Variants in DPRX observed in about 807,000 individuals in gnomAD.
DPRX encodes divergent paired-related homeobox.
A neutral mutation model predicts 8.4 loss-of-function variants in DPRX; 11 were observed. That is an observed-to-expected ratio of 1.31 (90% CI 0.82 to 2.17). The LOEUF is 2.17. Among genes scored for constraint, DPRX ranks in the 30% most tolerant of loss-of-function variants. DPRX has a pLI of 0.00. For missense variants in DPRX, 211 were observed against 236.7 expected (o/e 0.89, Z 0.71); for synonymous variants, 72 against 87.0 (o/e 0.83, Z 0.96).
chr19:53,604,043 G>A, the DPRX span, among the ~76,000 whole-genome samples: 5 of 152,110 alleles, frequency 3.3e-5, no homozygotes, highest in East Asian at 1.9e-4. Flanking sequence ...ACCGCGCCCC[G>A]CCGTAATTGA....
At chr19:53,626,592 A>G in the DPRX span, among the ~76,000 whole-genome samples, 3 of 152,214 alleles carry the variant, frequency 2.0e-5, no homozygotes, top group African/African-American at 7.2e-5. Flanking sequence ...CCCCAGGCAC[A>G]GATCATATTA....
chr19:53,603,561 G>GGTACCTGA, the DPRX span: 1 of 373,564 alleles, frequency 2.7e-6, no homozygotes, highest in Non-Finnish European at 5.5e-6. Flanking sequence ...GAATTAGAGA[G>GGTACCTGA]AGTAGGGCAA....
At chr19:53,618,097 GC>G in the DPRX span, among the ~76,000 whole-genome samples, 18 of 150,214 alleles carry the variant, frequency 1.2e-4, no homozygotes, top group African/African-American at 3.4e-4. Flanking sequence ...AGCCTAGATC[GC>G]TGCCACTGCA....
upstream of DPRX, among the ~76,000 whole-genome samples, chr19:53,630,230 CTT>C (rs1413310434): frequency 1.4e-5 from 2 of 141,792 alleles, no homozygotes; most frequent in Non-Finnish European, 3.1e-5. Flanking sequence ...AAAAAAAAAA[CTT>C]TCATGCTGAT....
At chr19:53,635,885 C>T (rs529355754) in intron 2 of DPRX, among the ~76,000 whole-genome samples, 1 of 152,112 alleles carries the variant, frequency 6.6e-6, no homozygotes, top group Non-Finnish European at 1.5e-5. Context: ...GCAGCCCCTG[C>T]GACTGATCCC....
At chr19:53,607,874 T>C in the DPRX span, among the ~76,000 whole-genome samples, 1 of 137,176 alleles carries the variant, frequency 7.3e-6, no homozygotes, top group African/African-American at 2.7e-5. Flanking sequence ...AAAGGTAAAT[T>C]TGAAAATAAA....
chr19:53,615,491 G>A, the DPRX span, among the ~76,000 whole-genome samples: 1 of 151,852 alleles, frequency 6.6e-6, no homozygotes, highest in Non-Finnish European at 1.5e-5. Flanking sequence ...ATGTTGGCCA[G>A]GCTGGTCTCA....
chr19:53,630,550 G>C (rs918954527), upstream of DPRX, among the ~76,000 whole-genome samples: 1 of 151,974 alleles, frequency 6.6e-6, no homozygotes, highest in African/African-American at 2.4e-5. Context: ...TGTAGTCACA[G>C]CTACTTGGGG....
At chr19:53,628,635 GC>G (rs1208685802), upstream of DPRX, among the ~76,000 whole-genome samples, 10 of 151,792 alleles carry the variant, frequency 6.6e-5, no homozygotes, top group Admixed American at 2.0e-4. Context: ...TCTTGCCCGG[GC>G]AGGAGGGCAA....
the DPRX span, among the ~76,000 whole-genome samples, chr19:53,622,303 GC>G: frequency 1.3e-3 from 205 of 152,256 alleles, no homozygotes; most frequent in Non-Finnish European, 1.2e-3. Context: ...ATGGGCATGA[GC>G]CACTGGAAAA....
At chr19:53,634,905 G>A (rs1038788411) in intron 2 of DPRX, among the ~76,000 whole-genome samples, 1 of 152,166 alleles carries the variant, frequency 6.6e-6, no homozygotes, top group Non-Finnish European at 1.5e-5. Flanking sequence ...GAAGCTTTGT[G>A]GGCCATACCG....
upstream of DPRX, among the ~76,000 whole-genome samples, chr19:53,627,192 A>G (rs148425933): frequency 7.7e-4 from 117 of 152,252 alleles, no homozygotes; most frequent in African/African-American, 2.7e-3. Flanking sequence ...GCATTTTCTT[A>G]TAATCCTGAG....
At chr19:53,601,670 C>T in the DPRX span, among the ~76,000 whole-genome samples, 9 of 151,892 alleles carry the variant, frequency 5.9e-5, no homozygotes, top group East Asian at 1.9e-4. Flanking sequence ...TTAGTAGAAC[C>T]GGAATTTCAC....
chr19:53,609,395 A>G, the DPRX span, among the ~76,000 whole-genome samples: 2 of 148,506 alleles, frequency 1.3e-5, no homozygotes, highest in East Asian at 4.1e-4. Context: ...TTGAACCTGA[A>G]GACTGAGGCT....
chr19:53,618,103 A>G, the DPRX span, among the ~76,000 whole-genome samples: 1 of 151,478 alleles, frequency 6.6e-6, no homozygotes, highest in Non-Finnish European at 1.5e-5. Context: ...GATCGCTGCC[A>G]CTGCACTCCA....
chr19:53,619,604 G>A, the DPRX span, among the ~76,000 whole-genome samples: 1 of 151,914 alleles, frequency 6.6e-6, no homozygotes, highest in African/African-American at 2.4e-5. Context: ...GAACCTGGGA[G>A]GCGGAGGTTG....
the DPRX span, among the ~76,000 whole-genome samples, chr19:53,620,622 C>T: frequency 6.6e-6 from 1 of 152,108 alleles, no homozygotes; most frequent in South Asian, 2.1e-4. Flanking sequence ...GCCTTGGCCT[C>T]CCAAAGTGCT....
chr19:53,626,576 A>G, the DPRX span, among the ~76,000 whole-genome samples: 53 of 152,242 alleles, frequency 3.5e-4, no homozygotes, highest in Admixed American at 3.2e-3. Context: ...AAGACTAGAG[A>G]TTGTGCCCCA....
the DPRX span, among the ~76,000 whole-genome samples, chr19:53,610,607 A>G: frequency 0.17 from 25,699 of 152,126 alleles, 2,267 homozygotes; most frequent in South Asian, 0.28. Context: ...TGCCGGGGGC[A>G]GGTGCAAGGG....
Sources: allele counts gnomAD v4.1 joint callset (sites outside exome capture counted in the v4.1 genomes callset), GRCh38; gene constraint gnomAD v4.1.1; transcripts MANE v1.5; gene names NCBI Gene and HGNC (gene_info 2026-07-23, HGNC 2026-07-21).